Variants in RBFOX1 observed in about 807,000 individuals in gnomAD.
RBFOX1 encodes the protein RNA binding fox-1 homolog 1, also known as RNA binding protein fox-1 homolog 1.
Under a neutral mutation model 57.7 loss-of-function variants are expected in RBFOX1, and 8 were observed. That is an observed-to-expected ratio of 0.14 (90% CI 0.08 to 0.25). RBFOX1 has a LOEUF of 0.25. RBFOX1 is among the 10% of genes least tolerant of loss of function. The probability of loss-of-function intolerance (pLI) is 1.00; values close to 1 mark genes in which losing one functional copy is unlikely to be tolerated. For missense variants in RBFOX1, 611 were observed against 548.5 expected, an observed-to-expected ratio of 1.11 and a Z score of -1.14; for synonymous variants, 326 against 222.4, an observed-to-expected ratio of 1.47 and a Z score of -4.15.
intron 3 of RBFOX1, among the ~76,000 whole-genome samples, chr16:5,646,035 T>G (rs2049042402): frequency 6.6e-6 from 1 of 152,040 alleles, no homozygotes; most frequent in Non-Finnish European, 1.5e-5. Context: ...TTTAATTTTT[T>G]TTTTCTATTT....
intron 4 of RBFOX1, among the ~76,000 whole-genome samples, chr16:7,329,524 C>G (rs183207715): frequency 1.3e-5 from 2 of 152,106 alleles, no homozygotes; most frequent in Non-Finnish European, 2.9e-5. Context: ...AGAGCAGAAC[C>G]TATGTTAAGA....
At chr16:7,615,351 A>G (rs142371697) in intron 10 of RBFOX1, among the ~76,000 whole-genome samples, 1 of 151,970 alleles carries the variant, frequency 6.6e-6, no homozygotes, top group Admixed American at 6.6e-5. Context: ...AATAATAATA[A>G]TAATAATGAA....
At chr16:7,414,737 C>A (rs898024597) in intron 4 of RBFOX1, among the ~76,000 whole-genome samples, 4 of 152,178 alleles carry the variant, frequency 2.6e-5, no homozygotes, top group Admixed American at 2.6e-4. Context: ...TGTGCCTCAG[C>A]CTCCAGAGTA....
intron 4 of RBFOX1, among the ~76,000 whole-genome samples, chr16:7,354,347 T>C (rs1238528296): frequency 6.6e-6 from 1 of 152,310 alleles, no homozygotes; most frequent in Non-Finnish European, 1.5e-5. Context: ...AACAAAGCAA[T>C]GTCATCAAAT....
intron 1 of RBFOX1, among the ~76,000 whole-genome samples, chr16:5,314,882 A>G (rs1365011659): frequency 1.3e-5 from 2 of 151,958 alleles, no homozygotes; most frequent in Non-Finnish European, 2.9e-5. Context: ...AAGTAGTGAT[A>G]TATATGTCTT....
At chr16:6,705,785 A>T (rs1457241076) in intron 3 of RBFOX1, among the ~76,000 whole-genome samples, 1 of 152,172 alleles carries the variant, frequency 6.6e-6, no homozygotes, top group Non-Finnish European at 1.5e-5. Context: ...TGGGAGCCCG[A>T]GGCAGGCAGA....
chr16:6,991,074 G>T (rs951737097), intron 3 of RBFOX1, among the ~76,000 whole-genome samples: 5 of 149,862 alleles, frequency 3.3e-5, no homozygotes, highest in Non-Finnish European at 5.9e-5. Context: ...GGCCAAGGTG[G>T]GTGGCCTGCT....
intron 3 of RBFOX1, among the ~76,000 whole-genome samples, chr16:5,843,530 TTTTC>T (rs1357122114): frequency 6.6e-6 from 1 of 152,200 alleles, no homozygotes; most frequent in African/African-American, 2.4e-5. Flanking sequence ...ATGTTCCACA[TTTTC>T]TTTGTCTACT....
At chr16:6,206,862 A>ACATTTTAT (rs2097258682) in intron 1 of RBFOX1, among the ~76,000 whole-genome samples, 1 of 152,120 alleles carries the variant, frequency 6.6e-6, no homozygotes, top group South Asian at 2.1e-4. Flanking sequence ...ATATTTTGGG[A>ACATTTTAT]CATTTTATCT....
intron 2 of RBFOX1, among the ~76,000 whole-genome samples, chr16:6,425,873 T>G (rs1352565633): frequency 3.3e-5 from 5 of 152,214 alleles, no homozygotes; most frequent in Non-Finnish European, 5.9e-5. Flanking sequence ...TCAATCATTG[T>G]CAAGTGTACA....
chr16:6,869,523 G>C (rs900858115), intron 3 of RBFOX1, among the ~76,000 whole-genome samples: 1 of 151,678 alleles, frequency 6.6e-6, no homozygotes. Context: ...ATATAAAAGG[G>C]TTTTATGAAT....
At chr16:6,791,474 T>A (rs1252076810) in intron 3 of RBFOX1, among the ~76,000 whole-genome samples, 1 of 152,020 alleles carries the variant, frequency 6.6e-6, no homozygotes, top group East Asian at 1.9e-4. Context: ...AAGTAGAGCA[T>A]CACGCCAGTC....
intron 1 of RBFOX1, among the ~76,000 whole-genome samples, chr16:6,206,484 A>T (rs1485393966): frequency 5.3e-5 from 8 of 152,016 alleles, no homozygotes; most frequent in Non-Finnish European, 5.9e-5. Context: ...CGCTTTCCTC[A>T]CCAAAACACA....
intron 2 of RBFOX1, among the ~76,000 whole-genome samples, chr16:6,649,432 G>A (rs1425053003): frequency 6.6e-6 from 1 of 152,152 alleles, no homozygotes. Flanking sequence ...AAGTTCTTCA[G>A]TGGTGGTTTC....
chr16:5,242,420 TAAA>T (rs1276718690), intron 1 of RBFOX1, among the ~76,000 whole-genome samples: 1 of 152,186 alleles, frequency 6.6e-6, no homozygotes, highest in East Asian at 1.9e-4. Context: ...TTTTCAAACT[TAAA>T]ATTTGGCCCA....
At chr16:5,825,620 C>T (rs2056010296) in intron 3 of RBFOX1, among the ~76,000 whole-genome samples, 1 of 152,144 alleles carries the variant, frequency 6.6e-6, no homozygotes, top group Non-Finnish European at 1.5e-5. Flanking sequence ...AATGTAAGGA[C>T]ATTAAGGACG....
chr16:5,585,467 G>A (rs1382597826), intron 2 of RBFOX1, among the ~76,000 whole-genome samples: 2 of 152,176 alleles, frequency 1.3e-5, no homozygotes, highest in African/African-American at 4.8e-5. Flanking sequence ...TAAACTTGTA[G>A]ACATGTGCCG....
rs1012560084 is a variant in RBFOX1 at position 7,712,969 on chromosome 16, T to G, written c.*2224T>G. Reference sequence around the variant, plus strand: ...TTTCCCCCATGACTGTATGTAGTTTTAATAAAATCATTTAGAGTGAGTGAG... The same window carrying G: ...TTTCCCCCATGACTGTATGTAGTTTGAATAAAATCATTTAGAGTGAGTGAG... On this transcript the variant is annotated 3_prime_UTR_variant, in exon 16 of 16. Coordinates refer to ENST00000550418, the MANE Select transcript of RBFOX1 (RefSeq NM_018723.4). 6.6e-6 allele frequency: 1 copy of G among 152,258 alleles called. No homozygotes were observed. The highest frequency in any genetic ancestry group is 1.5e-5 in the Non-Finnish European group (1 of 68,046). The allele number at this position is 152,258 out of a possible 1,614,324, so 9.4% of individuals were successfully genotyped here. A position where few individuals can be genotyped will look rare whatever the true frequency, so the allele number is the denominator to read the frequency against.
At chr16:6,824,024 G>C (rs907349382) in intron 3 of RBFOX1, among the ~76,000 whole-genome samples, 2 of 152,198 alleles carry the variant, frequency 1.3e-5, no homozygotes, top group East Asian at 1.9e-4. Context: ...AGAAAGTGTA[G>C]AGTTCTCCAT....
Sources: gnomAD v4.1 joint callset for allele counts (sites outside exome capture counted in the v4.1 genomes callset) on GRCh38, gnomAD v4.1.1 for gene constraint, MANE v1.5 for transcripts, NCBI Gene and HGNC (gene_info 2026-07-23, HGNC 2026-07-21) for gene names.